GAP43: variants seen among roughly 807,000 people sequenced by gnomAD.
GAP43 encodes growth associated protein 43.
GAP43 carries 6 observed loss-of-function variants against 18.6 expected under a neutral mutation model. The ratio of observed to expected loss-of-function variants is 0.32; its 90% CI spans 0.18 to 0.64. The LOEUF is 0.64. Among genes scored for constraint, GAP43 ranks in the 30% least tolerant of loss-of-function variants. GAP43 has a pLI of 0.78. For missense variants in GAP43, 292 were observed against 295.5 expected, an observed-to-expected ratio of 0.99 and a Z score of 0.09; for synonymous variants, 115 against 111.4, an observed-to-expected ratio of 1.03 and a Z score of -0.20.
chr3:115,718,504 A>T (rs1490523922), intron 2 of GAP43, among the ~76,000 whole-genome samples: 1 of 152,220 alleles, frequency 6.6e-6, no homozygotes, highest in Non-Finnish European at 1.5e-5. Context: ...ATCAGAATTG[A>T]GTTAGTTTCA....
chr3:115,674,952 T>C (rs566077267), intron 1 of GAP43, among the ~76,000 whole-genome samples: 3 of 152,210 alleles, frequency 2.0e-5, no homozygotes, highest in Non-Finnish European at 4.4e-5. Context: ...TTGCAAAATA[T>C]TTTTTTAAAC....
chr3:115,627,581 G>T (rs575985881), intron 1 of GAP43, among the ~76,000 whole-genome samples: 1 of 152,176 alleles, frequency 6.6e-6, no homozygotes, highest in African/African-American at 2.4e-5. Flanking sequence ...TGTTCTTTCA[G>T]GCAAGAATAG....
chr3:115,660,029 G>A (rs1175434714), intron 1 of GAP43, among the ~76,000 whole-genome samples: 1 of 152,156 alleles, frequency 6.6e-6, no homozygotes, highest in African/African-American at 2.4e-5. Context: ...GAGGCTTTGG[G>A]GGAATGTTTA....
chr3:115,669,687 C>T (rs139350491), intron 1 of GAP43, among the ~76,000 whole-genome samples: 107 of 152,210 alleles, frequency 7.0e-4, no homozygotes, highest in African/African-American at 2.5e-3. Context: ...GTTGAAGATA[C>T]CACCTCATAT....
intron 2 of GAP43, among the ~76,000 whole-genome samples, chr3:115,690,423 T>C (rs1219240030): frequency 6.6e-6 from 1 of 152,142 alleles, no homozygotes. Flanking sequence ...TCAGAAACAT[T>C]TTTTTACTTT....
chr3:115,665,989 AGTGTGT>A lies in GAP43; in HGVS notation c.31-9986_31-9981del, dbSNP rs34314907. ...CTGTATATGAAATAGTGGCTAAATGAGTGTGTGTGTGTGTGTGTGTGTGTGTGTGTG... is the reference window on the plus strand; with the variant it reads ...CTGTATATGAAATAGTGGCTAAATGAGTGTGTGTGTGTGTGTGTGTGTGTG... On this transcript the variant is annotated intron_variant, in intron 1 of 2. Coordinates refer to ENST00000305124, the MANE Select transcript of GAP43 (RefSeq NM_002045.4). Among the ~76,000 whole-genome samples, 454 of 61,716 alleles carry A rather than the reference AGTGTGT, an allele frequency of 7.4e-3. 1 individual carries two copies. Among genetic ancestry groups the A allele is most frequent in the Admixed American group, 0.018 (99 of 5,618 alleles). The allele number at this position is 61,716 out of a possible 152,430, so 40.5% of individuals were successfully genotyped here. A position where few individuals can be genotyped will look rare whatever the true frequency, so the allele number is the denominator to read the frequency against.
intron 2 of GAP43, among the ~76,000 whole-genome samples, chr3:115,679,488 T>C (rs1295144647): frequency 6.6e-6 from 1 of 152,206 alleles, no homozygotes; most frequent in Non-Finnish European, 1.5e-5. Context: ...TTTACGTGCC[T>C]GGGACCAAAA....
At chr3:115,703,559 C>CTCTT (rs1309006440) in intron 2 of GAP43, among the ~76,000 whole-genome samples, 3 of 152,056 alleles carry the variant, frequency 2.0e-5, no homozygotes, top group Non-Finnish European at 2.9e-5. Flanking sequence ...TCTCCACAGC[C>CTCTT]TCTTTCTACT....
chr3:115,667,521 G>A (rs1708748765), intron 1 of GAP43, among the ~76,000 whole-genome samples: 1 of 152,186 alleles, frequency 6.6e-6, no homozygotes, highest in Admixed American at 6.5e-5. Context: ...TTATCTTATT[G>A]CATCTCACAT....
intron 1 of GAP43, among the ~76,000 whole-genome samples, chr3:115,639,774 T>C (rs1260519781): frequency 6.6e-6 from 1 of 152,076 alleles, no homozygotes; most frequent in Non-Finnish European, 1.5e-5. Flanking sequence ...CCCTAACTTA[T>C]GTCTCCTACA....
chr3:115,704,193 A>C (rs1418704471), intron 2 of GAP43, among the ~76,000 whole-genome samples: 1 of 152,076 alleles, frequency 6.6e-6, no homozygotes, highest in Non-Finnish European at 1.5e-5. Flanking sequence ...AAATCTTCAC[A>C]GTTGGCTTTT....
At chr3:115,658,708 G>C (rs576204821) in intron 1 of GAP43, 19 of 152,334 alleles carry the variant, frequency 1.2e-4, no homozygotes, top group African/African-American at 4.6e-4. Context: ...GAGGCCTCTT[G>C]CTCCCCGAAC....
chr3:115,683,614 C>T lies in GAP43; in HGVS notation c.628+7004C>T, dbSNP rs554275178. 5.9e-5 allele frequency among the ~76,000 whole-genome samples: 9 copies of T among 152,242 alleles called. No individual in the cohort carries two copies. The South Asian group carries it at 1.9e-3, about 32-fold the overall frequency. ...TAATTTGCTATCAATATTTCATTTC[C>T]ATCTTACACTTAATTCAATATCAGT... On this transcript the variant is annotated intron_variant, in intron 2 of 2. Transcript: ENST00000305124.
intron 1 of GAP43, among the ~76,000 whole-genome samples, chr3:115,658,309 T>C (rs1708612915): frequency 6.6e-6 from 1 of 152,146 alleles, no homozygotes; most frequent in Non-Finnish European, 1.5e-5. Context: ...ACTTTGCTTC[T>C]TACTCTTGGG....
At chr3:115,635,485 A>T (rs1261363792) in intron 1 of GAP43, among the ~76,000 whole-genome samples, 1 of 152,104 alleles carries the variant, frequency 6.6e-6, no homozygotes. Context: ...ACCAGTATGG[A>T]GGAGGAAATG....
chr3:115,665,884 A>G (rs540630103), intron 1 of GAP43, among the ~76,000 whole-genome samples: 4 of 152,324 alleles, frequency 2.6e-5, no homozygotes, highest in South Asian at 2.1e-4. Context: ...ACACAAGCAC[A>G]TAGAGTAGCT....
chr3:115,689,824 G>A (rs1037310125), intron 2 of GAP43, among the ~76,000 whole-genome samples: 5 of 152,098 alleles, frequency 3.3e-5, no homozygotes, highest in African/African-American at 9.7e-5. Flanking sequence ...ACCAGAAATC[G>A]ATCAGGGGAG....
At chr3:115,635,328 AG>A (rs1410885318) in intron 1 of GAP43, among the ~76,000 whole-genome samples, 1 of 152,116 alleles carries the variant, frequency 6.6e-6, no homozygotes, top group Non-Finnish European at 1.5e-5. Context: ...ACAAGGTGGT[AG>A]CTTTTTGATA....
intron 2 of GAP43, among the ~76,000 whole-genome samples, chr3:115,679,875 G>A (rs542026468): frequency 6.6e-6 from 1 of 152,166 alleles, no homozygotes; most frequent in Non-Finnish European, 1.5e-5. Flanking sequence ...GACTTTAAAT[G>A]TTCTGTATGT....
Sources: gnomAD v4.1 joint callset for allele counts (sites outside exome capture counted in the v4.1 genomes callset) on GRCh38, gnomAD v4.1.1 for gene constraint, MANE v1.5 for transcripts, NCBI Gene and HGNC (gene_info 2026-07-23, HGNC 2026-07-21) for gene names.